USP28: variants seen among roughly 807,000 people sequenced by gnomAD.
USP28 encodes the protein ubiquitin specific peptidase 28, also known as ubiquitin carboxyl-terminal hydrolase 28.
Under a neutral mutation model 145.0 loss-of-function variants are expected in USP28, and 113 were observed. The ratio of observed to expected loss-of-function variants is 0.78; its 90% CI spans 0.67 to 0.91. The LOEUF (loss-of-function observed/expected upper bound fraction) is 0.91, where lower values mean the gene tolerates loss of function less well. Among genes scored for constraint, USP28 ranks in the 40% least tolerant of loss-of-function variants. The pLI is 0.00. For synonymous variants in USP28, 447 were observed against 450.9 expected, an observed-to-expected ratio of 0.99 and a Z score of 0.11; for missense variants, 1,201 against 1,289.6, an observed-to-expected ratio of 0.93 and a Z score of 1.05.
At chr11:113,834,600 T>C (rs956073781) in intron 5 of USP28, among the ~76,000 whole-genome samples, 1 of 152,162 alleles carries the variant, frequency 6.6e-6, no homozygotes, top group Non-Finnish European at 1.5e-5. Flanking sequence ...TTTGGTTTTG[T>C]AGAGACAGGG....
At chr11:113,875,323 C>T in intron 1 of USP28, 122 bp downstream of exon 1, 1 of 818,754 alleles carries the variant, frequency 1.2e-6, no homozygotes, top group Non-Finnish European at 1.5e-6. Context: ...GCGGGCGCAC[C>T]CCCTGTCCCG....
At chr11:113,874,658 A>C (rs1949191989) in intron 1 of USP28, 1 of 1,270,166 alleles carries the variant, frequency 7.9e-7, no homozygotes, top group African/African-American at 1.6e-5. Context: ...GTTAAGTTAT[A>C]ACATTCCGAA....
At chr11:113,866,256 C>T (rs940122527) in intron 1 of USP28, among the ~76,000 whole-genome samples, 1 of 152,110 alleles carries the variant, frequency 6.6e-6, no homozygotes, top group Non-Finnish European at 1.5e-5. Context: ...CAGACCACTG[C>T]ACTCCAGCCT....
intron 1 of USP28, among the ~76,000 whole-genome samples, chr11:113,870,371 T>C (rs1948695487): frequency 6.6e-6 from 1 of 151,534 alleles, no homozygotes; most frequent in Non-Finnish European, 1.5e-5. Flanking sequence ...TATAAAAAAT[T>C]AAAAAAACAG....
intron 1 of USP28, among the ~76,000 whole-genome samples, chr11:113,858,907 C>A (rs1947353147): frequency 6.6e-6 from 1 of 152,208 alleles, no homozygotes; most frequent in South Asian, 2.1e-4. Context: ...CCGGGCCAGG[C>A]CTGTTCTCTA....
intron 1 of USP28, among the ~76,000 whole-genome samples, chr11:113,858,865 T>C (rs2136710613): frequency 6.6e-6 from 1 of 152,270 alleles, no homozygotes; most frequent in Admixed American, 6.5e-5. Flanking sequence ...CACCTCGGCC[T>C]CCCAAAGTGT....
At chr11:113,841,151 G>A (rs1391325007) in intron 4 of USP28, among the ~76,000 whole-genome samples, 1 of 152,150 alleles carries the variant, frequency 6.6e-6, no homozygotes, top group African/African-American at 2.4e-5. Context: ...ACACAGCCCT[G>A]TGTTCCCTGA....
At chr11:113,836,648 T>C (rs1000783188) in intron 5 of USP28, among the ~76,000 whole-genome samples, 14 of 152,282 alleles carry the variant, frequency 9.2e-5, no homozygotes, top group Non-Finnish European at 1.5e-4. Context: ...CCAACTCTTT[T>C]CTATTTCCAG....
chr11:113,856,271 C>A (rs1219199749), intron 1 of USP28, among the ~76,000 whole-genome samples: 1 of 151,986 alleles, frequency 6.6e-6, no homozygotes, highest in African/African-American at 2.4e-5. Context: ...CATCAATATA[C>A]CCAAAAAAGG....
intron 1 of USP28, among the ~76,000 whole-genome samples, chr11:113,858,659 G>A (rs776349611): frequency 6.6e-6 from 1 of 152,108 alleles, no homozygotes; most frequent in Non-Finnish European, 1.5e-5. Flanking sequence ...ACCCAGGCTG[G>A]AGCGCAGCGG....
chr11:113,857,616 C>A (rs186666191), intron 1 of USP28, among the ~76,000 whole-genome samples: 212 of 152,326 alleles, frequency 1.4e-3, no homozygotes, highest in African/African-American at 4.8e-3. Flanking sequence ...AACATCACAT[C>A]TGCTACTTGG....
At chr11:113,831,737 A>G (rs1216206891) in intron 8 of USP28, among the ~76,000 whole-genome samples, 183 bp downstream of exon 8, 1 of 152,042 alleles carries the variant, frequency 6.6e-6, no homozygotes, top group Non-Finnish European at 1.5e-5. Context: ...GATGACTGGT[A>G]CATCCTCAGA....
chr11:113,848,964 G>A (rs923386718), intron 3 of USP28, among the ~76,000 whole-genome samples: 6 of 152,156 alleles, frequency 3.9e-5, no homozygotes, highest in African/African-American at 1.2e-4. Context: ...CACTTGAGGG[G>A]CATTTATTAC....
chr11:113,808,189 G>T (rs187146784), intron 18 of USP28, 53 bp from the exon 19 acceptor site: 3 of 1,533,776 alleles, frequency 2.0e-6, no homozygotes, highest in Non-Finnish European at 2.6e-6. Context: ...GAAATAAATA[G>T]GGGTTGGTTA....
intron 1 of USP28, among the ~76,000 whole-genome samples, chr11:113,854,585 AGTGACGGGG>A (rs1164842585): frequency 2.0e-5 from 3 of 152,174 alleles, no homozygotes; most frequent in Admixed American, 6.5e-5. Flanking sequence ...TATTTTTAGT[AGTGACGGGG>A]TTTCACATTG....
At chr11:113,822,368 G>C (rs767161829) in intron 12 of USP28, 1 of 152,440 alleles carries the variant, frequency 6.6e-6, no homozygotes, top group Non-Finnish European at 1.5e-5. Flanking sequence ...AGAATCGCTT[G>C]AACCCAGGAG....
chr11:113,804,902 G>C (rs376826095), exon 20 of USP28: 104 of 1,614,028 alleles, frequency 6.4e-5, no homozygotes, highest in Non-Finnish European at 8.6e-5. Context: ...TCTGCAAACT[G>C]TTCCAGAAGG....
At chr11:113,818,434 C>T (rs1300681565) in intron 12 of USP28, among the ~76,000 whole-genome samples, 2 of 152,126 alleles carry the variant, frequency 1.3e-5, no homozygotes, top group African/African-American at 4.8e-5. Flanking sequence ...TAAGGGCCAC[C>T]GCGCCTGGCA....
chr11:113,829,824 C>CAAAAAA (rs5794883), intron 9 of USP28, among the ~76,000 whole-genome samples: 2 of 104,706 alleles, frequency 1.9e-5, no homozygotes, highest in Non-Finnish European at 3.8e-5. Context: ...GGACTTGTCT[C>CAAAAAA]AAAAAAAAAA....
Sources: allele counts gnomAD v4.1 joint callset (sites outside exome capture counted in the v4.1 genomes callset), GRCh38; gene constraint gnomAD v4.1.1; transcripts MANE v1.5; gene names NCBI Gene and HGNC (gene_info 2026-07-23, HGNC 2026-07-21).